Variants in CAP2 observed in about 807,000 individuals in gnomAD.
The protein encoded by CAP2 is cyclase associated actin cytoskeleton regulatory protein 2.
CAP2 carries 24 observed loss-of-function variants against 57.7 expected under a neutral mutation model. The ratio of observed to expected loss-of-function variants is 0.42; its 90% CI spans 0.30 to 0.58. CAP2 has a LOEUF of 0.58. Ranked by LOEUF, CAP2 falls within the 20% of genes least tolerant of loss-of-function variation. CAP2 has a pLI of 0.22. For missense variants in CAP2, 501 were observed against 590.3 expected (o/e 0.85, Z 1.57); for synonymous variants, 194 against 207.2 (o/e 0.94, Z 0.55).
At position 17,405,277 on chromosome 6, in the gene CAP2, G is replaced by T. The variant is rs542822181; in HGVS notation, c.-2+11531G>T. Among the ~76,000 whole-genome samples the T allele has an allele frequency of 5.0e-4, 76 of 152,228 alleles. 2 individuals are homozygous for T. The South Asian group carries it at 0.015, about 31-fold the overall frequency. ...ACGCTTGTTAATCCCAGCCACTCGG[G>T]AGGCTGAGGCAGGAGAATCGTGTGA... On this transcript the variant is annotated intron_variant, in intron 1 of 12. Transcript: ENST00000229922.
intron 1 of CAP2, among the ~76,000 whole-genome samples, chr6:17,396,965 C>T (rs772106626): frequency 6.6e-6 from 1 of 152,150 alleles, no homozygotes; most frequent in African/African-American, 2.4e-5. Flanking sequence ...TAATCATTCC[C>T]TGGTTTATTG....
chr6:17,438,355 GATT>G (rs78468038), intron 3 of CAP2, among the ~76,000 whole-genome samples: 94,548 of 147,614 alleles, frequency 0.64, 31,953 homozygotes, highest in East Asian at 0.85. Flanking sequence ...GAAAGAACGA[GATT>G]CCATCTCGAA....
intron 3 of CAP2, among the ~76,000 whole-genome samples, chr6:17,429,214 A>G (rs1759666151): frequency 6.6e-6 from 1 of 152,222 alleles, no homozygotes; most frequent in Non-Finnish European, 1.5e-5. Context: ...GAACGCTAAC[A>G]TACACAAAGG....
intron 4 of CAP2, among the ~76,000 whole-genome samples, chr6:17,468,035 T>G (rs1277588461): frequency 2.0e-5 from 3 of 152,240 alleles, no homozygotes; most frequent in African/African-American, 4.8e-5. Context: ...TTTTAATTTT[T>G]AGATCCCATA....
chr6:17,420,788 T>C (rs896435064), intron 1 of CAP2, among the ~76,000 whole-genome samples: 3 of 152,228 alleles, frequency 2.0e-5, no homozygotes, highest in African/African-American at 7.2e-5. Flanking sequence ...GTATTACCTA[T>C]TGGGCTTGTA....
chr6:17,444,946 G>A (rs897729493), intron 3 of CAP2, among the ~76,000 whole-genome samples: 1 of 151,958 alleles, frequency 6.6e-6, no homozygotes, highest in African/African-American at 2.4e-5. Context: ...GTGAGCCATT[G>A]AAAGACTGGG....
intron 1 of CAP2, among the ~76,000 whole-genome samples, chr6:17,394,210 C>T (rs2223633): frequency 2.6e-5 from 4 of 151,208 alleles, no homozygotes; most frequent in African/African-American, 7.3e-5. Context: ...AGAGCCACCT[C>T]GATCAGAAAG....
chr6:17,479,713 G>A lies in CAP2; in HGVS notation c.300+16640G>A, dbSNP rs537011136. Among the ~76,000 whole-genome samples, 27 of 147,436 alleles carry A rather than the reference G, an allele frequency of 1.8e-4. 1 individual carries two copies. The East Asian group carries it at 4.5e-3, about 24-fold the overall frequency. ...TGCCAGCTCCGCCTGCCGGGTTCAC[G>A]CCATTCTCCTGCCTCAGCCTCCCGA... is the stretch of plus-strand genomic sequence containing the variant. On this transcript the variant is annotated intron_variant, in intron 4 of 12. Coordinates refer to ENST00000229922, the MANE Select transcript of CAP2 (RefSeq NM_006366.3).
At chr6:17,480,501 C>A (rs1048266043) in intron 4 of CAP2, among the ~76,000 whole-genome samples, 1 of 152,084 alleles carries the variant, frequency 6.6e-6, no homozygotes, top group African/African-American at 2.4e-5. Flanking sequence ...GTAATAAGGG[C>A]ATTGTAATAA....
At chr6:17,518,693 A>G (rs561028779) in intron 7 of CAP2, among the ~76,000 whole-genome samples, 4 of 152,022 alleles carry the variant, frequency 2.6e-5, no homozygotes, top group Non-Finnish European at 5.9e-5. Flanking sequence ...GCTGGAATGC[A>G]GTGGCACAAT....
intron 1 of CAP2, among the ~76,000 whole-genome samples, chr6:17,410,572 ATTT>A (rs778249461): frequency 1.4e-5 from 2 of 144,026 alleles, no homozygotes; most frequent in Non-Finnish European, 1.5e-5. Flanking sequence ...CTCAGATTTA[ATTT>A]TTTTTTTTTT....
chr6:17,451,981 C>A (rs928645777), intron 3 of CAP2, among the ~76,000 whole-genome samples: 3 of 152,170 alleles, frequency 2.0e-5, no homozygotes, highest in African/African-American at 7.2e-5. Context: ...TTGAAGGTAA[C>A]TTCCACTGAT....
At position 17,422,914 on chromosome 6, in the gene CAP2, G is replaced by T. The variant is rs181001415; in HGVS notation, c.121+1238G>T. Reference sequence around the variant, plus strand: ...ATTTCAGATAAAGAACACTTTTTTGGGGGGTATAAGGATGTCCCAAATACT... The same window carrying T: ...ATTTCAGATAAAGAACACTTTTTTGTGGGGTATAAGGATGTCCCAAATACT... On this transcript the variant is annotated intron_variant, in intron 2 of 12. Transcript: ENST00000229922. 2.0e-5 allele frequency among the ~76,000 whole-genome samples: 3 copies of T among 152,020 alleles called. No homozygotes were observed. In the East Asian group the frequency reaches 5.8e-4, roughly 29 times the overall value.
At chr6:17,515,495 A>G (rs537547883) in intron 7 of CAP2, among the ~76,000 whole-genome samples, 15 of 152,204 alleles carry the variant, frequency 9.9e-5, no homozygotes, top group African/African-American at 3.6e-4. Context: ...CTGAAAAACT[A>G]CTTACTGGGT....
At chr6:17,538,164 T>C (rs1762817171) in intron 7 of CAP2, among the ~76,000 whole-genome samples, 2 of 151,946 alleles carry the variant, frequency 1.3e-5, no homozygotes, top group Admixed American at 6.6e-5. Flanking sequence ...ATCACAGATA[T>C]ACAATATTTT....
chr6:17,505,373 G>A (rs953566177), intron 4 of CAP2, among the ~76,000 whole-genome samples: 1 of 152,248 alleles, frequency 6.6e-6, no homozygotes, highest in Admixed American at 6.5e-5. Context: ...GTCCGTGGCA[G>A]AAATGACTGC....
intron 3 of CAP2, among the ~76,000 whole-genome samples, chr6:17,453,810 T>C (rs1197153444): frequency 6.6e-6 from 1 of 152,096 alleles, no homozygotes; most frequent in Non-Finnish European, 1.5e-5. Flanking sequence ...CACTAACCTC[T>C]CCAGGTCTTG....
chr6:17,508,670 G>A (rs1019881434), intron 6 of CAP2, among the ~76,000 whole-genome samples: 1 of 152,144 alleles, frequency 6.6e-6, no homozygotes, highest in Non-Finnish European at 1.5e-5. Flanking sequence ...AGGCACCTGG[G>A]GACGTCTCAT....
At position 17,421,547 on chromosome 6, in the gene CAP2, T is replaced by G; in HGVS notation, c.-1-8T>G. ...ACGCAGCCTCCATTTGTGCCTGTGCTTTTCTAGAATGGCCAACATGCAGGG... is the reference window on the plus strand; with the variant it reads ...ACGCAGCCTCCATTTGTGCCTGTGCGTTTCTAGAATGGCCAACATGCAGGG... On this transcript the variant is annotated splice_polypyrimidine_tract_variant and splice_region_variant and intron_variant, in intron 1 of 12. Coordinates refer to ENST00000229922, the MANE Select transcript of CAP2 (RefSeq NM_006366.3). 1 of 1,614,200 alleles carries G rather than the reference T, an allele frequency of 6.2e-7. No homozygotes were observed. Among genetic ancestry groups the G allele is most frequent in the Non-Finnish European group, 8.5e-7 (1 of 1,180,028 alleles).
Sources: allele counts gnomAD v4.1 joint callset (sites outside exome capture counted in the v4.1 genomes callset), GRCh38; gene constraint gnomAD v4.1.1; transcripts MANE v1.5; gene names NCBI Gene and HGNC (gene_info 2026-07-23, HGNC 2026-07-21).